RYR2: variants seen among roughly 807,000 people sequenced by gnomAD.
The protein encoded by RYR2 is ryanodine receptor 2.
RYR2 carries 227 observed loss-of-function variants against 601.1 expected under a neutral mutation model. That is an observed-to-expected ratio of 0.38 (90% CI 0.34 to 0.42). The LOEUF is 0.42. RYR2 is among the 10% of genes least tolerant of loss of function. The pLI, the probability that RYR2 is intolerant of heterozygous loss-of-function variation, is 1.00. For missense variants in RYR2, 4,646 were observed against 6,156.5 expected (o/e 0.75, Z 8.21); for synonymous variants, 2,223 against 2,175.1 (o/e 1.02, Z -0.61).
intron 27 of RYR2, among the ~76,000 whole-genome samples, chr1:237,556,226 T>C (rs534723527): frequency 6.6e-6 from 1 of 151,576 alleles, no homozygotes; most frequent in African/African-American, 2.4e-5. Flanking sequence ...ATAAAACATA[T>C]GCTCCACTTC....
intron 77 of RYR2, among the ~76,000 whole-genome samples, chr1:237,731,230 C>A (rs1344249978): frequency 6.6e-6 from 1 of 152,030 alleles, no homozygotes; most frequent in East Asian, 1.9e-4. Flanking sequence ...CATTCATGTA[C>A]AGAGAAAATT....
At chr1:237,487,790 G>C (rs1367325543) in intron 17 of RYR2, among the ~76,000 whole-genome samples, 5 of 150,734 alleles carry the variant, frequency 3.3e-5, no homozygotes, top group African/African-American at 7.3e-5. Context: ...CATCTAATAT[G>C]CCTGCATATT....
intron 3 of RYR2, among the ~76,000 whole-genome samples, chr1:237,350,282 A>G (rs1698649600): frequency 6.6e-6 from 1 of 151,994 alleles, no homozygotes; most frequent in African/African-American, 2.4e-5. Flanking sequence ...CTATGTTAAT[A>G]TCTGAGAAAA....
chr1:237,495,275 A>G (rs1025374946), intron 19 of RYR2, among the ~76,000 whole-genome samples: 1 of 152,194 alleles, frequency 6.6e-6, no homozygotes, highest in African/African-American at 2.4e-5. Flanking sequence ...GCCGGGTCAC[A>G]GAGCTAGCAA....
intron 1 of RYR2, among the ~76,000 whole-genome samples, chr1:237,100,218 GGTGAA>G (rs1479196321): frequency 1.3e-5 from 2 of 152,086 alleles, no homozygotes; most frequent in Non-Finnish European, 2.9e-5. Flanking sequence ...AAATAGATGA[GGTGAA>G]AGAGCATGCA....
intron 1 of RYR2, among the ~76,000 whole-genome samples, chr1:237,140,017 T>C (rs2148752064): frequency 6.6e-6 from 1 of 152,314 alleles, no homozygotes; most frequent in East Asian, 1.9e-4. Context: ...TGGATGACTG[T>C]CTGACTCTAA....
intron 47 of RYR2, 99 bp from the exon 48 acceptor site, chr1:237,643,228 A>G: frequency 6.8e-7 from 1 of 1,479,550 alleles, no homozygotes; most frequent in Admixed American, 1.9e-5. Flanking sequence ...TGATCAGAAA[A>G]TTATTTTGGA....
intron 1 of RYR2, among the ~76,000 whole-genome samples, chr1:237,263,205 C>T (rs1461546631): frequency 6.6e-6 from 1 of 152,066 alleles, no homozygotes; most frequent in Non-Finnish European, 1.5e-5. Flanking sequence ...TCATACAATA[C>T]CAGCTTTGAT....
intron 48 of RYR2, 52 bp from the exon 49 acceptor site, chr1:237,648,392 T>C: frequency 1.4e-6 from 2 of 1,379,614 alleles, no homozygotes; most frequent in Middle Eastern, 1.9e-4. Context: ...ATTTGTAATC[T>C]ATCCTGTATA....
chr1:237,500,080 T>A lies in RYR2; in HGVS notation c.2204-631T>A, dbSNP rs556216903. On this transcript the variant is annotated intron_variant, in intron 20 of 104. Coordinates refer to ENST00000366574, the MANE Select transcript of RYR2 (RefSeq NM_001035.3). The stretch of plus-strand genomic sequence containing the variant: ...AATAAATGAAAAACTATAGGCCAAT[T>A]GGCCTATAGTTGTCTCACAATAAGC... 7.2e-4 allele frequency among the ~76,000 whole-genome samples: 110 copies of A among 152,304 alleles called. 1 individual carries two copies. The highest frequency in any genetic ancestry group is 2.5e-3 in the African/African-American group (104 of 41,556).
intron 2 of RYR2, among the ~76,000 whole-genome samples, chr1:237,329,945 TATAG>T (rs1279492816): frequency 1.3e-5 from 2 of 152,272 alleles, no homozygotes; most frequent in East Asian, 3.9e-4. Context: ...AGAGGCAAAA[TATAG>T]CATCCAACTT....
intron 24 of RYR2, among the ~76,000 whole-genome samples, chr1:237,529,770 C>CACACACACACAT (rs72300420): frequency 6.8e-6 from 1 of 147,492 alleles, no homozygotes; most frequent in Non-Finnish European, 1.5e-5. Flanking sequence ...TACACACACA[C>CACACACACACAT]ACACACACAC....
intron 27 of RYR2, among the ~76,000 whole-genome samples, chr1:237,559,491 C>T (rs980340034): frequency 2.0e-5 from 3 of 152,160 alleles, no homozygotes; most frequent in Non-Finnish European, 4.4e-5. Flanking sequence ...GGTGATCCAC[C>T]TGCCTCGGCC....
intron 4 of RYR2, 121 bp from the exon 5 acceptor site, chr1:237,364,237 T>C (rs1700016380): frequency 1.2e-6 from 1 of 804,958 alleles, no homozygotes; most frequent in Non-Finnish European, 1.9e-6. Context: ...TTTTTTTATG[T>C]TTATTGTTTA....
chr1:237,090,208 C>T (rs994225257), intron 1 of RYR2, among the ~76,000 whole-genome samples: 6 of 152,176 alleles, frequency 3.9e-5, no homozygotes, highest in Non-Finnish European at 8.8e-5. Flanking sequence ...AACTACAATT[C>T]AAGGTGAGAT....
intron 1 of RYR2, among the ~76,000 whole-genome samples, chr1:237,260,288 G>A (rs560741100): frequency 1.1e-4 from 17 of 152,224 alleles, no homozygotes; most frequent in Admixed American, 3.9e-4. Flanking sequence ...GCTTATTGAC[G>A]TGTGCAAGGA....
intron 8 of RYR2, among the ~76,000 whole-genome samples, chr1:237,384,539 G>C (rs1025807927): frequency 1.1e-4 from 16 of 152,230 alleles, no homozygotes; most frequent in African/African-American, 3.9e-4. Flanking sequence ...AGGGGGCCCA[G>C]CCCACTTCTG....
At chr1:237,528,829 C>T (rs925562189) in intron 24 of RYR2, among the ~76,000 whole-genome samples, 8 of 152,004 alleles carry the variant, frequency 5.3e-5, no homozygotes, top group African/African-American at 1.7e-4. Flanking sequence ...TAATAACTGT[C>T]TTATAATCCA....
Position 237,525,675 on chromosome 1 carries a change from G to A in RYR2, c.2823-4752G>A, listed in dbSNP as rs555371078. Among the ~76,000 whole-genome samples, 18 of 151,926 alleles carry A rather than the reference G, an allele frequency of 1.2e-4. No homozygotes were observed. In the East Asian group the frequency reaches 2.6e-3, roughly 22 times the overall value. On this transcript the variant is annotated intron_variant, in intron 24 of 104. Transcript: ENST00000366574. ...CATGTTGTTCAGGCTGGTCTCAAAC[G>A]CGTGACCTGATAATGATTTCTTGGA...
Sources: allele counts gnomAD v4.1 joint callset (sites outside exome capture counted in the v4.1 genomes callset), GRCh38; gene constraint gnomAD v4.1.1; transcripts MANE v1.5; gene names NCBI Gene and HGNC (gene_info 2026-07-23, HGNC 2026-07-21).